The following SUPT7L variants were observed in gnomAD, a reference collection of about 807,000 sequenced individuals.
SUPT7L encodes STAGA complex 65 subunit gamma.
In SUPT7L, 15 loss-of-function variants were observed where a neutral mutation model predicts 35.7. The ratio of observed to expected loss-of-function variants is 0.42; its 90% CI spans 0.28 to 0.65. SUPT7L has a LOEUF of 0.65. Among genes scored for constraint, SUPT7L ranks in the 30% least tolerant of loss-of-function variants. SUPT7L has a pLI of 0.23. For missense variants in SUPT7L, 434 were observed against 522.2 expected (o/e 0.83, Z 1.65); for synonymous variants, 168 against 186.2 (o/e 0.90, Z 0.79).
downstream of SUPT7L, chr2:27,650,223 G>A (rs1674462732): frequency 7.2e-7 from 1 of 1,381,740 alleles, no homozygotes; most frequent in Non-Finnish European, 1.0e-6. Flanking sequence ...CACTTCACTT[G>A]TTTCTAGAAG....
downstream of SUPT7L, among the ~76,000 whole-genome samples, chr2:27,647,653 C>A (rs568500140): frequency 6.6e-6 from 1 of 152,314 alleles, no homozygotes; most frequent in Admixed American, 6.5e-5. Flanking sequence ...TATGAAAGCA[C>A]TTTGTGAACT....
At chr2:27,645,564 G>A in the SUPT7L span, among the ~76,000 whole-genome samples, 2 of 152,058 alleles carry the variant, frequency 1.3e-5, no homozygotes, top group Non-Finnish European at 2.9e-5. Flanking sequence ...ACCACAGAGT[G>A]TCTTTGTATT....
intron 4 of SUPT7L, among the ~76,000 whole-genome samples, chr2:27,656,637 CT>C (rs113039227): frequency 0.078 from 11,168 of 142,922 alleles, 1,147 homozygotes; most frequent in African/African-American, 0.24. Context: ...TCTGTGTTCT[CT>C]TTTTTTTTTT....
rs770037914 is a variant in SUPT7L at position 27,657,585 on chromosome 2, G to T, written c.504C>A (p.His168Gln). Residue 168 changes from histidine to glutamine, a missense_variant, in exon 4 of 6, where the codon CAC (histidine) becomes CAA (glutamine). This residue lies in a region of SUPT7L where 198 missense variants were observed against 190.8 expected (regional missense o/e 1.04). Transcript: ENST00000337768. The surrounding 1 kb of genome is among the most constrained non-coding windows in gnomAD (Gnocchi z 5.2). ...TCTCATTAGCACAGTCAAAGCCCGCGTGGGCCAGGATTGTGGCCACTGCCT... is the reference window on the plus strand; with the variant it reads ...TCTCATTAGCACAGTCAAAGCCCGCTTGGGCCAGGATTGTGGCCACTGCCT... ...LYQAVATILA[H>Q]AGFDCANESV... 4.3e-6 allele frequency: 7 copies of T among 1,614,250 alleles called. No homozygotes were observed. In the South Asian group the frequency reaches 7.7e-5, roughly 18 times the overall value.
chr2:27,660,837 C>A, intron 3 of SUPT7L, 147 bp downstream of exon 3: 1 of 1,097,806 alleles, frequency 9.1e-7, no homozygotes, highest in Non-Finnish European at 1.3e-6. Context: ...CTTAGATATC[C>A]CACTAATTAC....
downstream of SUPT7L, among the ~76,000 whole-genome samples, chr2:27,648,841 T>A (rs1351354486): frequency 1.3e-5 from 2 of 151,950 alleles, no homozygotes; most frequent in Non-Finnish European, 2.9e-5. Context: ...TTCGCCATGT[T>A]GGCCAGGCTG....
chr2:27,643,017 T>TA, the SUPT7L span, among the ~76,000 whole-genome samples: 3 of 124,674 alleles, frequency 2.4e-5, no homozygotes, highest in South Asian at 8.1e-4. This position sits in a 1 kb window ranked among gnomAD's most constrained non-coding sequence, Gnocchi z 4.0. Context: ...ACATATATAT[T>TA]AAAAAATAAA....
At chr2:27,650,120 G>C, downstream of SUPT7L, 9 of 1,586,186 alleles carry the variant, frequency 5.7e-6, no homozygotes, top group Non-Finnish European at 7.8e-6. Flanking sequence ...TGCAGTTACA[G>C]AGGAAAGCCA....
At chr2:27,648,035 A>G, downstream of SUPT7L, 1 of 724,938 alleles carries the variant, frequency 1.4e-6, no homozygotes, top group South Asian at 1.5e-5. Context: ...GCGTGTAGCC[A>G]GTAATAGTGG....
Position 27,661,277 on chromosome 2 carries a change from GGGTT to G in SUPT7L, c.122_125del (p.Gln41ProfsTer28), listed in dbSNP as rs776912197. On this transcript the variant is annotated frameshift_variant, in exon 3 of 6. Transcript: ENST00000337768. LOFTEE classifies it high-confidence loss of function. ...TGGGGGGCTTCGGCTTGTTGGCTGA[GGGTT>G]GGTGCAGGGGTGGGTCATGGACTTC... is the stretch of plus-strand genomic sequence containing the variant. 6.2e-7 allele frequency: 1 copy of G among 1,613,616 alleles called. No individual in the cohort carries two copies. The highest frequency in any genetic ancestry group is 1.3e-5 in the African/African-American group (1 of 74,870).
chr2:27,650,333 T>C (rs1014901822), downstream of SUPT7L: 6 of 541,228 alleles, frequency 1.1e-5, no homozygotes, highest in Admixed American at 6.3e-5. Context: ...GTTTCTCTTA[T>C]TAGAGAAATC....
rs529056582 is a variant in SUPT7L, at chr2:27,661,404, TAAG to T, written c.15-19_15-17del. The T allele has an allele frequency of 7.4e-5, 119 of 1,613,078 alleles. No individual in the cohort carries two copies. The highest frequency in any genetic ancestry group is 1.0e-4 in the Non-Finnish European group (119 of 1,179,988). On this transcript the variant is annotated splice_polypyrimidine_tract_variant and intron_variant, in intron 2 of 5. Coordinates refer to ENST00000337768, the MANE Select transcript of SUPT7L (RefSeq NM_014860.3). ...TCCCCAGTATCTCAACATTTTGGAA[TAAG>T]AAGAGAAGAGGTCTCAGGATAAATG...
In SUPT7L at chr2:27,663,465, A is replaced by C. The variant is rs1302907487; in HGVS notation, c.-226T>G. ...GCCTGACGTTCAGGGCAGCCGGAAG[A>C]CGGGGAGGTCTGGACCTGAACCGAG... is the stretch of plus-strand genomic sequence containing the variant. On this transcript the variant is annotated 5_prime_UTR_variant, in exon 1 of 6. Transcript: ENST00000337768. 1 of 359,866 alleles carries C rather than the reference A, an allele frequency of 2.8e-6. No individual in the cohort carries two copies. The highest frequency in any genetic ancestry group is 5.2e-6 in the Non-Finnish European group (1 of 190,918). 22.3% of individuals were successfully genotyped at this position (359,866 alleles called of 1,614,324 possible). A position where few individuals can be genotyped will look rare whatever the true frequency, so the allele number is the denominator to read the frequency against.
At chr2:27,658,424 C>G (rs962810113) in intron 3 of SUPT7L, among the ~76,000 whole-genome samples, 5 of 152,250 alleles carry the variant, frequency 3.3e-5, no homozygotes, top group Admixed American at 1.3e-4. Context: ...CTAATCACTA[C>G]TGCAGAAATC....
rs201315356 is a variant in SUPT7L at position 27,660,848 on chromosome 2, C to G, written c.419+136G>C. The G allele has an allele frequency of 1.3e-5, 16 of 1,213,888 alleles. 1 individual carries two copies. In the East Asian group the frequency reaches 4.1e-4, roughly 31 times the overall value. 75.2% of individuals were successfully genotyped at this position (1,213,888 alleles called of 1,614,324 possible). A position where few individuals can be genotyped will look rare whatever the true frequency, so the allele number is the denominator to read the frequency against. ...AAAACTTAGATATCCCACTAATTACCTGGAGAAACCTTGGCCAAGTCAATT... is the reference window on the plus strand; with the variant it reads ...AAAACTTAGATATCCCACTAATTACGTGGAGAAACCTTGGCCAAGTCAATT... On this transcript the variant is annotated intron_variant, in intron 3 of 5. Coordinates refer to ENST00000337768, the MANE Select transcript of SUPT7L (RefSeq NM_014860.3).
intron 3 of SUPT7L, among the ~76,000 whole-genome samples, chr2:27,658,745 A>G (rs774957961): frequency 6.6e-6 from 1 of 152,224 alleles, no homozygotes; most frequent in East Asian, 1.9e-4. Flanking sequence ...TTGCCAAGTA[A>G]CTTTTCATTT....
chr2:27,663,078 G>A (rs1373294946), intron 1 of SUPT7L, among the ~76,000 whole-genome samples: 4 of 149,902 alleles, frequency 2.7e-5, no homozygotes, highest in African/African-American at 7.4e-5. Context: ...ATGAGCCACC[G>A]GTCTGGCTGG....
chr2:27,645,405 G>C, the SUPT7L span, among the ~76,000 whole-genome samples: 1 of 152,062 alleles, frequency 6.6e-6, no homozygotes, highest in Non-Finnish European at 1.5e-5. Context: ...TTATTTGGCT[G>C]TCCTTACATG....
In SUPT7L at chr2:27,651,720, C is replaced by G. The variant is rs564726491; in HGVS notation, c.*1765G>C. ...AGAAGTCTTAATCATTTTTGTATTC[C>G]TTGCACAGGACCTAGCAAATAATTG... is the stretch of plus-strand genomic sequence containing the variant. On this transcript the variant is annotated 3_prime_UTR_variant, in exon 6 of 6. Transcript: ENST00000337768. 1 of 152,294 alleles carries G rather than the reference C, an allele frequency of 6.6e-6. No homozygotes were observed. The highest frequency in any genetic ancestry group is 1.5e-5 in the Non-Finnish European group (1 of 68,026). 9.4% of individuals were successfully genotyped at this position (152,294 alleles called of 1,614,324 possible). A position where few individuals can be genotyped will look rare whatever the true frequency, so the allele number is the denominator to read the frequency against.
Sources: gnomAD v4.1 joint callset for allele counts (sites outside exome capture counted in the v4.1 genomes callset) on GRCh38, gnomAD v4.1.1 for gene constraint, gnomAD v4.1.1 regional missense constraint, Gnocchi (gnomAD v3.1) non-coding constraint, MANE v1.5 for transcripts, NCBI Gene and HGNC (gene_info 2026-07-23, HGNC 2026-07-21) for gene names.